Variants in DGKK observed in about 807,000 individuals in gnomAD.
The protein encoded by DGKK is 142 kDa diacylglycerol kinase.
Under a neutral mutation model 92.2 loss-of-function variants are expected in DGKK, and 35 were observed. The ratio of observed to expected loss-of-function variants is 0.38; its 90% CI spans 0.29 to 0.50. The LOEUF (loss-of-function observed/expected upper bound fraction) is 0.50. Among genes scored for constraint, DGKK ranks in the 20% least tolerant of loss-of-function variants. The probability of loss-of-function intolerance (pLI) is 0.92; values close to 1 mark genes in which losing one functional copy is unlikely to be tolerated. For synonymous variants in DGKK, 368 were observed against 360.6 expected, an observed-to-expected ratio of 1.02 and a Z score of -0.23; for missense variants, 910 against 992.2, an observed-to-expected ratio of 0.92 and a Z score of 1.11.
Position 50,402,946 on chromosome X carries a change from T to A in DGKK, c.1308+115A>T, listed in dbSNP as rs1017143893. On this transcript the variant is annotated intron_variant, in intron 7 of 27. Coordinates refer to ENST00000611977, the MANE Select transcript of DGKK (RefSeq NM_001013742.4). ...TTTATACTATGGAATCTGTTTAACCTGTTTTGAGATAAGAGTTTCTTAGAT... is the reference window on the plus strand; with the variant it reads ...TTTATACTATGGAATCTGTTTAACCAGTTTTGAGATAAGAGTTTCTTAGAT... 4 of 987,102 alleles carry A rather than the reference T, an allele frequency of 4.1e-6. No homozygotes were observed. The Admixed American group carries it at 1.4e-4, about 35-fold the overall frequency. The allele number at this position is 987,102 out of a possible 1,213,427, so 81.3% of individuals were successfully genotyped here.
intron 1 of DGKK, among the ~76,000 whole-genome samples, chrX:50,461,697 C>G (rs782235606): frequency 8.0e-5 from 9 of 111,953 alleles, no homozygotes; most frequent in Admixed American, 6.6e-4. Flanking sequence ...GTAGTCTCAT[C>G]CATGTGGTTT....
At chrX:50,424,212 A>G (rs781988057) in intron 2 of DGKK, 36 bp downstream of exon 2, 2 of 1,155,348 alleles carry the variant, frequency 1.7e-6, no homozygotes, top group Non-Finnish European at 2.3e-6. Context: ...CCTGGCACCC[A>G]CCCATTAATC....
chrX:50,466,017 C>CTTTTTTTTTTTTTT (rs72090197), intron 1 of DGKK, among the ~76,000 whole-genome samples: 34 of 42,782 alleles, frequency 7.9e-4, no homozygotes, highest in East Asian at 1.8e-3. Context: ...TTTCTTTTTT[C>CTTTTTTTTTTTTTT]TTTTTTTTTT....
chrX:50,454,077 C>T (rs1477428147), intron 1 of DGKK, among the ~76,000 whole-genome samples: 1 of 110,045 alleles, frequency 9.1e-6, no homozygotes, highest in Non-Finnish European at 1.9e-5. Context: ...CTAGAATTCC[C>T]TTCTCATCAC....
chrX:50,463,351 C>T (rs1229247856), intron 1 of DGKK, among the ~76,000 whole-genome samples: 3 of 18,942 alleles, frequency 1.6e-4, no homozygotes, highest in African/African-American at 7.1e-4. Context: ...CTCTCCCCCT[C>T]TTTCTTTTTC....
At chrX:50,380,732 C>G (rs144818564) in intron 18 of DGKK, among the ~76,000 whole-genome samples, 188 of 110,921 alleles carry the variant, frequency 1.7e-3, no homozygotes, top group African/African-American at 6.0e-3. Flanking sequence ...AGGTGGGGCA[C>G]TTACGATCAC....
intron 1 of DGKK, among the ~76,000 whole-genome samples, chrX:50,452,615 G>A (rs1373200298): frequency 8.9e-6 from 1 of 111,824 alleles, no homozygotes; most frequent in African/African-American, 3.2e-5. Flanking sequence ...CAGAAATCTG[G>A]GCTCTAACCC....
rs782585512 is a variant in DGKK, at chrX:50,368,628, T to C, written c.*312A>G. ...AAACTCCCTGAAGAGGTGAACTCCC[T>C]TGAATCCTTTATAGATCCCAGGCCA... On this transcript the variant is annotated 3_prime_UTR_variant, in exon 28 of 28. Coordinates refer to ENST00000611977, the MANE Select transcript of DGKK (RefSeq NM_001013742.4). 74 of 188,062 alleles carry C rather than the reference T, an allele frequency of 3.9e-4. No individual in the cohort carries two copies. Among genetic ancestry groups the C allele is most frequent in the Non-Finnish European group, 6.6e-4 (68 of 102,674 alleles). 15.5% of individuals were successfully genotyped at this position (188,062 alleles called of 1,213,427 possible). A position where few individuals can be genotyped will look rare whatever the true frequency, so the allele number is the denominator to read the frequency against.
rs782568251 is a variant in DGKK, at chrX:50,470,140, C to T, written c.539G>A (p.Cys180Tyr). ...APEFRPSPAP[C>Y]LLQCPVDTRE... ...AGTGTCCACCGGACATTGCAATAGA[C>T]ATGGTGCTGGACTTGGACGGAACTC... is the stretch of plus-strand genomic sequence containing the variant. The change falls in exon 1 of 28, where the codon TGT (cysteine) becomes TAT (tyrosine). Residue 180 changes from cysteine (C) to tyrosine (Y), a missense_variant. Physicochemically the swap from Cys to Tyr is radical, Grantham distance 194. Coordinates refer to ENST00000611977, the MANE Select transcript of DGKK (RefSeq NM_001013742.4). 5.0e-6 allele frequency: 6 copies of T among 1,211,088 alleles called. No individual in the cohort carries two copies. Among genetic ancestry groups the T allele is most frequent in the Non-Finnish European group, 6.7e-6 (6 of 895,371 alleles).
In DGKK at chrX:50,390,415, A is replaced by G. The variant is rs1330459772; in HGVS notation, c.1845-6T>C. 1.7e-6 allele frequency: 2 copies of G among 1,201,085 alleles called. No homozygotes were observed. Among genetic ancestry groups the G allele is most frequent in the Admixed American group, 4.4e-5 (2 of 45,757 alleles). On this transcript the variant is annotated splice_region_variant and splice_polypyrimidine_tract_variant and intron_variant, in intron 11 of 27. Transcript: ENST00000611977. ...CACGAATCATCACACTCCATCTGAA[A>G]TGAATTTCAAAGACGGATATTTAAG...
At chrX:50,419,810 A>T (rs1380747331) in intron 4 of DGKK, among the ~76,000 whole-genome samples, 1 of 111,751 alleles carries the variant, frequency 8.9e-6, no homozygotes, top group Middle Eastern at 4.2e-3. Context: ...GTGGCCAGAG[A>T]TTTGGTACCA....
chrX:50,447,333 TATATATATATTATATATATATATA>T (rs1350777393), intron 1 of DGKK, among the ~76,000 whole-genome samples: 1,508 of 26,261 alleles, frequency 0.057, 137 homozygotes, highest in African/African-American at 0.14. Context: ...TATGTATATA[TATATATATATTATATATATATATA>T]ATATATATAT....
chrX:50,453,929 C>A (rs147478661), intron 1 of DGKK, among the ~76,000 whole-genome samples: 2 of 109,776 alleles, frequency 1.8e-5, no homozygotes, highest in East Asian at 5.8e-4. Context: ...CCTCCTCTGA[C>A]CATTTCTTTC....
chrX:50,399,846 A>C (rs1359052090), intron 8 of DGKK, among the ~76,000 whole-genome samples: 2 of 112,084 alleles, frequency 1.8e-5, no homozygotes, highest in Non-Finnish European at 1.9e-5. Context: ...AGTCAATGGC[A>C]AAAAGGAGAG....
intron 1 of DGKK, among the ~76,000 whole-genome samples, chrX:50,444,917 A>G (rs12559262): frequency 0.45 from 49,742 of 109,974 alleles, 9,752 homozygotes; most frequent in African/African-American, 0.76. Context: ...CCAAAAATGT[A>G]TAAGTGTTCC....
intron 26 of DGKK, among the ~76,000 whole-genome samples, chrX:50,371,225 C>T (rs1924116217): frequency 8.9e-6 from 1 of 111,860 alleles, no homozygotes; most frequent in African/African-American, 3.3e-5. Context: ...TGTCAGAAAA[C>T]CCAGAGTGGG....
intron 4 of DGKK, among the ~76,000 whole-genome samples, chrX:50,413,296 T>C (rs1925348801): frequency 8.9e-6 from 1 of 112,116 alleles, no homozygotes; most frequent in South Asian, 3.7e-4. Flanking sequence ...AACATTGGTC[T>C]GGGCAAGGAT....
chrX:50,437,183 G>A (rs1926051549), intron 1 of DGKK, among the ~76,000 whole-genome samples: 1 of 111,607 alleles, frequency 9.0e-6, no homozygotes, highest in Non-Finnish European at 1.9e-5. Context: ...CTCCCAGGGA[G>A]CAACTTCCCA....
At chrX:50,391,712 G>A (rs1557225561) in intron 10 of DGKK, 136 bp from the exon 11 acceptor site, 1 of 710,193 alleles carries the variant, frequency 1.4e-6, no homozygotes, top group Non-Finnish European at 2.0e-6. Context: ...AGATTCTGGG[G>A]AAGGTAATGA....
Sources: gnomAD v4.1 joint callset for allele counts (sites outside exome capture counted in the v4.1 genomes callset) on GRCh38, gnomAD v4.1.1 for gene constraint, MANE v1.5 for transcripts, NCBI Gene and HGNC (gene_info 2026-07-23, HGNC 2026-07-21) for gene names.